OR6B3: variants seen among roughly 807,000 people sequenced by gnomAD.
OR6B3 encodes the protein olfactory receptor family 6 subfamily B member 3.
For synonymous variants in OR6B3, 148 were observed against 187.8 expected, an observed-to-expected ratio of 0.79 and a Z score of 1.73; for missense variants, 315 against 427.4, an observed-to-expected ratio of 0.74 and a Z score of 2.32.
upstream of OR6B3, among the ~76,000 whole-genome samples, chr2:240,047,183 G>A (rs1698203230): frequency 6.6e-6 from 1 of 152,212 alleles, no homozygotes; most frequent in Non-Finnish European, 1.5e-5. Flanking sequence ...AAAAGGCAGA[G>A]AAGACCCCTT....
chr2:240,050,486 G>A (rs897829937), upstream of OR6B3, among the ~76,000 whole-genome samples: 3 of 152,052 alleles, frequency 2.0e-5, no homozygotes, highest in Non-Finnish European at 2.9e-5. Context: ...AGGCCGAGGC[G>A]GGCAGATCAC....
chr2:240,047,834 C>G (rs948421962), upstream of OR6B3, among the ~76,000 whole-genome samples: 12 of 151,878 alleles, frequency 7.9e-5, no homozygotes, highest in Admixed American at 6.6e-4. Flanking sequence ...TTAAAAATGA[C>G]AAAAGTTTCA....
upstream of OR6B3, among the ~76,000 whole-genome samples, chr2:240,051,247 G>A (rs1698252848): frequency 6.6e-6 from 1 of 152,276 alleles, no homozygotes; most frequent in African/African-American, 2.4e-5. Context: ...CCTAATATGT[G>A]TTTTATTCAG....
At chr2:240,051,636 T>C (rs1470975747), upstream of OR6B3, among the ~76,000 whole-genome samples, 13 of 152,150 alleles carry the variant, frequency 8.5e-5, no homozygotes. Flanking sequence ...TTACTATACT[T>C]AAAAAACTCA....
upstream of OR6B3, among the ~76,000 whole-genome samples, chr2:240,048,878 G>A (rs553100665): frequency 2.3e-4 from 35 of 152,332 alleles, no homozygotes; most frequent in African/African-American, 8.4e-4. Flanking sequence ...AGCTAGTGAA[G>A]AAAGGCGGCC....
chr2:240,050,933 T>G (rs1304470190), upstream of OR6B3, among the ~76,000 whole-genome samples: 9 of 151,834 alleles, frequency 5.9e-5, no homozygotes, highest in East Asian at 1.7e-3. Flanking sequence ...GTTTAGAAAA[T>G]GTGGAGAAAT....
upstream of OR6B3, among the ~76,000 whole-genome samples, chr2:240,048,179 A>G (rs571888176): frequency 1.3e-5 from 2 of 152,360 alleles, no homozygotes; most frequent in Non-Finnish European, 2.9e-5. Context: ...TAGGAGTTAC[A>G]TTAATGAAAT....
chr2:240,050,858 T>A (rs1698249193), upstream of OR6B3, among the ~76,000 whole-genome samples: 1 of 151,906 alleles, frequency 6.6e-6, no homozygotes, highest in Admixed American at 6.6e-5. Context: ...ATTAGAATAG[T>A]AAAATTTTTG....
At chr2:240,045,006 G>C, downstream of OR6B3, 3 of 1,435,350 alleles carry the variant, frequency 2.1e-6, no homozygotes, top group Non-Finnish European at 2.8e-6. Context: ...TCCTGAAGGA[G>C]AAAAATAGAT....
upstream of OR6B3, among the ~76,000 whole-genome samples, chr2:240,050,240 A>G (rs1217565151): frequency 6.6e-6 from 1 of 152,238 alleles, no homozygotes; most frequent in Non-Finnish European, 1.5e-5. Flanking sequence ...ACTTCAACTC[A>G]GGTTGAAATG....
chr2:240,050,740 A>AAAAAAAAAAAAAAG (rs1559438078), upstream of OR6B3, among the ~76,000 whole-genome samples: 1 of 12,610 alleles, frequency 7.9e-5, no homozygotes. Context: ...AAAAAAAAGG[A>AAAAAAAAAAAAAAG]AAAAAAAAAA....
Position 240,045,088 on chromosome 2 carries a change from G to A in OR6B3, c.985C>T (p.Gln329Ter), listed in dbSNP as rs1309938167. 1.3e-6 allele frequency: 2 copies of A among 1,589,948 alleles called. No individual in the cohort carries two copies. Among genetic ancestry groups the A allele is most frequent in the East Asian group, 4.5e-5 (2 of 44,704 alleles). Reference sequence around the variant, plus strand: ...GTCAAATGGCCTCCTCAGAGAGGCTGGCTGTGTATTTGGAGATGAAGTTCC... The same window carrying A: ...GTCAAATGGCCTCCTCAGAGAGGCTAGCTGTGTATTTGGAGATGAAGTTCC... Residue 329 changes from glutamine to a stop codon, truncating the protein, a stop_gained, in exon 2 of 2, where the codon CAG becomes TAG. Coordinates refer to ENST00000641019, the Ensembl canonical transcript of OR6B3. LOFTEE classifies it high-confidence loss of function.
At chr2:240,053,045 C>T in the OR6B3 span, among the ~76,000 whole-genome samples, 49 of 152,206 alleles carry the variant, frequency 3.2e-4, no homozygotes, top group East Asian at 3.7e-3. This position sits in a 1 kb window ranked among gnomAD's most constrained non-coding sequence, Gnocchi z 4.1. Flanking sequence ...TCCGGTGATC[C>T]GCCCACCTCA....
At chr2:240,048,044 T>C (rs1698215550), upstream of OR6B3, among the ~76,000 whole-genome samples, 2 of 152,102 alleles carry the variant, frequency 1.3e-5, no homozygotes, top group Non-Finnish European at 2.9e-5. Flanking sequence ...ATTAAGAATA[T>C]AAATAAGTAA....
In OR6B3 at chr2:240,045,787, C is replaced by T. The variant is rs375608779; in HGVS notation, c.286G>A (p.Gly96Arg). 9.1e-5 allele frequency: 135 copies of T among 1,482,458 alleles called. 1 individual carries two copies. Among genetic ancestry groups the T allele is most frequent in the African/African-American group, 4.6e-4 (33 of 71,970 alleles). 91.8% of individuals were successfully genotyped at this position (1,482,458 alleles called of 1,614,324 possible). The change falls in exon 2 of 2, where the codon GGG becomes AGG. Residue 96 changes from glycine to arginine, a missense_variant. By Grantham distance (125) the Gly-to-Arg change is moderately radical (BLOSUM62 -2). Transcript: ENST00000641019. ...AAGAAGTAGAGCTGCGTCATGCACCCGACGAAAGAGATGCGTTTCTGCTGG... is the reference window on the plus strand; with the variant it reads ...AAGAAGTAGAGCTGCGTCATGCACCTGACGAAAGAGATGCGTTTCTGCTGG...
chr2:240,051,244 T>C (rs1698252818), upstream of OR6B3, among the ~76,000 whole-genome samples: 1 of 152,162 alleles, frequency 6.6e-6, no homozygotes, highest in South Asian at 2.1e-4. Context: ...GCACCTAATA[T>C]GTGTTTTATT....
chr2:240,051,611 T>C (rs936521365), upstream of OR6B3, among the ~76,000 whole-genome samples: 15 of 152,342 alleles, frequency 9.8e-5, no homozygotes, highest in African/African-American at 2.6e-4. Context: ...TATGTATCGA[T>C]TATTTTTTTC....
At chr2:240,044,623 G>A (rs184700024), downstream of OR6B3, among the ~76,000 whole-genome samples, 157 of 152,368 alleles carry the variant, frequency 1.0e-3, no homozygotes, top group Non-Finnish European at 1.7e-3. Context: ...GCATGCAGTA[G>A]GGGTTTATTT....
the OR6B3 span, among the ~76,000 whole-genome samples, chr2:240,052,443 G>A: frequency 2.0e-5 from 3 of 151,966 alleles, no homozygotes; most frequent in Non-Finnish European, 2.9e-5. The surrounding 1 kb of genome is among the most constrained non-coding windows in gnomAD (Gnocchi z 4.5). Flanking sequence ...TAAAGATAAC[G>A]AGCACCACCA....
Sources: allele counts gnomAD v4.1 joint callset (sites outside exome capture counted in the v4.1 genomes callset), GRCh38; gene constraint gnomAD v4.1.1; non-coding constraint Gnocchi (gnomAD v3.1); transcripts MANE v1.5; gene names NCBI Gene and HGNC (gene_info 2026-07-23, HGNC 2026-07-21).